GPM6A: variants seen among roughly 807,000 people sequenced by gnomAD.
The protein encoded by GPM6A is glycoprotein M6A.
Under a neutral mutation model 32.1 loss-of-function variants are expected in GPM6A, and 7 were observed. The ratio of observed to expected loss-of-function variants is 0.22; its 90% CI spans 0.12 to 0.41. The LOEUF is 0.41. Ranked by LOEUF, GPM6A falls within the 10% of genes least tolerant of loss-of-function variation. GPM6A has a pLI of 1.00. For synonymous variants in GPM6A, 130 were observed against 123.4 expected, an observed-to-expected ratio of 1.05 and a Z score of -0.35; for missense variants, 235 against 347.2, an observed-to-expected ratio of 0.68 and a Z score of 2.57.
chr4:175,996,312 A>G (rs1187892074), intron 1 of GPM6A, among the ~76,000 whole-genome samples: 1 of 152,216 alleles, frequency 6.6e-6, no homozygotes, highest in Non-Finnish European at 1.5e-5. Context: ...CATCTCTTCA[A>G]AAGAAAAGTA....
intron 4 of GPM6A, among the ~76,000 whole-genome samples, chr4:175,649,948 A>T (rs1045659652): frequency 3.3e-5 from 5 of 152,330 alleles, no homozygotes; most frequent in Non-Finnish European, 4.4e-5. Context: ...AACTTTTAGG[A>T]TCAGCAGAAT....
intron 1 of GPM6A, among the ~76,000 whole-genome samples, chr4:175,848,915 C>T (rs1255639213): frequency 1.3e-5 from 2 of 151,972 alleles, no homozygotes; most frequent in Non-Finnish European, 2.9e-5. Context: ...CAGATATATA[C>T]AATTTAGATT....
chr4:175,967,051 A>T (rs1740354121), intron 1 of GPM6A, among the ~76,000 whole-genome samples: 2 of 152,192 alleles, frequency 1.3e-5, no homozygotes, highest in African/African-American at 4.8e-5. Context: ...AAAATCCTCA[A>T]TAAAATATTA....
At chr4:175,763,513 A>T (rs1036446154) in intron 1 of GPM6A, among the ~76,000 whole-genome samples, 1 of 152,208 alleles carries the variant, frequency 6.6e-6, no homozygotes, top group Non-Finnish European at 1.5e-5. Context: ...ACCAATGAAA[A>T]TTAATTTTAT....
intron 3 of GPM6A, among the ~76,000 whole-genome samples, chr4:175,657,382 C>T (rs1378876744): frequency 6.6e-6 from 1 of 152,140 alleles, no homozygotes; most frequent in African/African-American, 2.4e-5. Context: ...CAGCTCAGGC[C>T]TCTCTCATGC....
chr4:175,891,897 T>C (rs536741912), intron 1 of GPM6A: 5 of 152,192 alleles, frequency 3.3e-5, no homozygotes, highest in Non-Finnish European at 7.4e-5. Context: ...AAGGCTATGA[T>C]TCATAATATT....
chr4:175,787,374 C>A, intron 1 of GPM6A: 1 of 1,535,294 alleles, frequency 6.5e-7, no homozygotes, highest in South Asian at 1.2e-5. Context: ...CTGCCGGCCG[C>A]TGGCTCCTTG....
intron 1 of GPM6A, among the ~76,000 whole-genome samples, chr4:175,725,583 C>T (rs1746363963): frequency 2.0e-5 from 3 of 152,148 alleles, no homozygotes; most frequent in Admixed American, 2.0e-4. Context: ...TGAGCCACCA[C>T]ACCTAATCCC....
At chr4:175,934,984 A>C (rs1013053121) in intron 1 of GPM6A, among the ~76,000 whole-genome samples, 1 of 152,208 alleles carries the variant, frequency 6.6e-6, no homozygotes, top group Non-Finnish European at 1.5e-5. Context: ...CAAGCACAGA[A>C]TTCGAAAGTT....
chr4:175,792,712 C>A (rs1560935627), intron 1 of GPM6A, among the ~76,000 whole-genome samples: 2 of 151,988 alleles, frequency 1.3e-5, no homozygotes, highest in African/African-American at 4.8e-5. Flanking sequence ...ACTTATAATT[C>A]TTTGACATCT....
chr4:175,788,531 T>C (rs1733889070), intron 1 of GPM6A, among the ~76,000 whole-genome samples: 1 of 152,136 alleles, frequency 6.6e-6, no homozygotes, highest in Non-Finnish European at 1.5e-5. Flanking sequence ...CAAAGCATCA[T>C]ACAGATGCAA....
intron 2 of GPM6A, among the ~76,000 whole-genome samples, chr4:175,691,684 T>G (rs1195210822): frequency 6.6e-6 from 1 of 152,214 alleles, no homozygotes; most frequent in Non-Finnish European, 1.5e-5. Context: ...GTAGGAAGAC[T>G]GAAGGGCCCC....
chr4:175,709,428 G>A (rs1745404122), intron 1 of GPM6A, among the ~76,000 whole-genome samples: 1 of 150,640 alleles, frequency 6.6e-6, no homozygotes, highest in Non-Finnish European at 1.5e-5. Context: ...TACACTCTTT[G>A]TTTGCTATTA....
At chr4:175,702,629 C>T (rs940446353) in intron 1 of GPM6A, among the ~76,000 whole-genome samples, 7 of 152,132 alleles carry the variant, frequency 4.6e-5, no homozygotes, top group African/African-American at 1.7e-4. Context: ...ATTCTCCTGC[C>T]TTAGCCTCCC....
rs531444154 is a variant in GPM6A, at chr4:175,900,133, C to A, written c.-22-87884G>T. Among the ~76,000 whole-genome samples, 3 of 151,784 alleles carry A rather than the reference C, an allele frequency of 2.0e-5. No homozygotes were observed. The South Asian group carries it at 6.2e-4, about 32-fold the overall frequency. ...TAAAAATACAAAAAAGTTAGTCAGGCGTGGTGGTGGGCACCTGTAATCCCA... is the reference window on the plus strand; with the variant it reads ...TAAAAATACAAAAAAGTTAGTCAGGAGTGGTGGTGGGCACCTGTAATCCCA... On this transcript the variant is annotated intron_variant, in intron 1 of 7. Transcript: ENST00000280187.
At chr4:175,712,736 G>C (rs1385586576) in intron 1 of GPM6A, among the ~76,000 whole-genome samples, 1 of 152,136 alleles carries the variant, frequency 6.6e-6, no homozygotes, top group East Asian at 1.9e-4. Flanking sequence ...TAGCAGCATG[G>C]GCACGGAATC....
chr4:175,663,895 T>G (rs1025049430), intron 3 of GPM6A, among the ~76,000 whole-genome samples: 1 of 152,090 alleles, frequency 6.6e-6, no homozygotes, highest in African/African-American at 2.4e-5. Context: ...GATTTCACTG[T>G]GTTAGCCAAG....
Position 175,673,680 on chromosome 4 carries a change from C to A in GPM6A, c.387G>T (p.Trp129Cys). Residue 129 changes from tryptophan to cysteine, a missense_variant and splice_region_variant, in exon 3 of 7, where the codon TGG becomes TGT. By Grantham distance (215) the Trp-to-Cys change is radical. Around this residue, in one of 3 missense-constraint regions of GPM6A, gnomAD observed 101 missense variants for 171.2 expected, o/e 0.59. Coordinates refer to ENST00000393658, the MANE Select transcript of GPM6A (RefSeq NM_201591.3). ...TACTGAATGTAGAGAACTAACATAC[C>A]CAAGCGCTCACACATCTGCCACAAG... ...ITTCGRCVSA[W>C]FIMLTYLFML... 1 of 1,604,834 alleles carries A rather than the reference C, an allele frequency of 6.2e-7. No individual in the cohort carries two copies. Among genetic ancestry groups the A allele is most frequent in the Non-Finnish European group, 8.5e-7 (1 of 1,173,438 alleles).
chr4:175,997,522 C>T (rs549577823), intron 1 of GPM6A, among the ~76,000 whole-genome samples: 2 of 151,900 alleles, frequency 1.3e-5, no homozygotes, highest in South Asian at 4.2e-4. Context: ...TTTATAGAAC[C>T]TTGCCCAACC....
Sources: allele counts gnomAD v4.1 joint callset (sites outside exome capture counted in the v4.1 genomes callset), GRCh38; gene constraint gnomAD v4.1.1; regional missense constraint gnomAD v4.1.1; transcripts MANE v1.5; gene names NCBI Gene and HGNC (gene_info 2026-07-23, HGNC 2026-07-21).